Variants in NRG3 observed in about 807,000 individuals in gnomAD.
NRG3 encodes the protein neuregulin 3, also known as pro-neuregulin-3, membrane-bound isoform.
NRG3 carries 31 observed loss-of-function variants against 66.9 expected under a neutral mutation model. The ratio of observed to expected loss-of-function variants is 0.46; its 90% CI spans 0.35 to 0.63. The LOEUF (loss-of-function observed/expected upper bound fraction) is 0.63. Among genes scored for constraint, NRG3 ranks in the 20% least tolerant of loss-of-function variants. The pLI is 0.00. For synonymous variants in NRG3, 393 were observed against 359.4 expected (o/e 1.09, Z -1.06); for missense variants, 910 against 878.9 (o/e 1.04, Z -0.45).
intron 2 of NRG3, among the ~76,000 whole-genome samples, chr10:82,673,965 G>A (rs532277527): frequency 2.6e-5 from 4 of 152,174 alleles, no homozygotes; most frequent in South Asian, 4.2e-4. Flanking sequence ...AATAAAAGGC[G>A]GGTTTAGGAG....
intron 2 of NRG3, among the ~76,000 whole-genome samples, chr10:82,666,009 G>C (rs1473817994): frequency 6.6e-6 from 1 of 152,148 alleles, no homozygotes; most frequent in African/African-American, 2.4e-5. Context: ...TTACAGGCAT[G>C]TGCCACCATG....
chr10:82,049,886 C>T lies in NRG3; in HGVS notation c.823+173723C>T, dbSNP rs544575866. On this transcript the variant is annotated intron_variant, in intron 1 of 8. Transcript: ENST00000372141. ...CCATAAAATTAAAAATCTCAATAAT[C>T]ATAGCCCCTAGGAATCTAAGAATTG... is the stretch of plus-strand genomic sequence containing the variant. Among the ~76,000 whole-genome samples, 68 of 152,158 alleles carry T rather than the reference C, an allele frequency of 4.5e-4. No individual in the cohort carries two copies. The South Asian group carries it at 0.014, about 32-fold the overall frequency.
chr10:82,517,629 G>GCCC (rs570369748), intron 2 of NRG3, among the ~76,000 whole-genome samples: 1 of 70,432 alleles, frequency 1.4e-5, no homozygotes, highest in Admixed American at 1.5e-4. Context: ...CTCTCACCCC[G>GCCC]CCCCCCCGTG....
rs1264017157 is a variant in NRG3, at chr10:82,498,170, T to C, written c.953+139302T>C. Among the ~76,000 whole-genome samples the C allele has an allele frequency of 5.3e-5, 8 of 152,250 alleles. No homozygotes were observed. In the South Asian group the frequency reaches 1.5e-3, roughly 28 times the overall value. On this transcript the variant is annotated intron_variant, in intron 2 of 8. Coordinates refer to ENST00000372141, the MANE Select transcript of NRG3 (RefSeq NM_001010848.4). The stretch of plus-strand genomic sequence containing the variant: ...CTTCATCAGATATATGGTTTGCATA[T>C]ATATTCTCTTATTTTATAGCTTATC...
chr10:82,137,060 C>T (rs1389992250), intron 1 of NRG3, among the ~76,000 whole-genome samples: 1 of 152,120 alleles, frequency 6.6e-6, no homozygotes, highest in Non-Finnish European at 1.5e-5. Flanking sequence ...GAGGTGCTTT[C>T]TTGTGTGGAT....
At chr10:82,353,945 C>A (rs900284989) in intron 1 of NRG3, among the ~76,000 whole-genome samples, 1 of 151,702 alleles carries the variant, frequency 6.6e-6, no homozygotes, top group African/African-American at 2.4e-5. Flanking sequence ...TGTTTTGGAG[C>A]CCTTCTTATA....
chr10:82,489,317 TACCAGGGA>T (rs1384206209), intron 2 of NRG3, among the ~76,000 whole-genome samples: 1 of 152,198 alleles, frequency 6.6e-6, no homozygotes, highest in African/African-American at 2.4e-5. Flanking sequence ...TAAAAATCTA[TACCAGGGA>T]ACAGTTAGCA....
chr10:82,100,196 A>T (rs2066642251), intron 1 of NRG3, among the ~76,000 whole-genome samples: 1 of 152,058 alleles, frequency 6.6e-6, no homozygotes, highest in Admixed American at 6.6e-5. Flanking sequence ...CCAATATTTC[A>T]TTGAAAACAT....
At chr10:82,010,706 G>A (rs2061542245) in intron 1 of NRG3, among the ~76,000 whole-genome samples, 1 of 152,140 alleles carries the variant, frequency 6.6e-6, no homozygotes, top group Non-Finnish European at 1.5e-5. Context: ...AATTGGAGCG[G>A]GTGTTTTGAG....
At chr10:82,426,439 T>C (rs1248703885) in intron 2 of NRG3, among the ~76,000 whole-genome samples, 2 of 151,696 alleles carry the variant, frequency 1.3e-5, no homozygotes, top group Non-Finnish European at 2.9e-5. Flanking sequence ...GTATAATGGT[T>C]GTTTGCCCTG....
At chr10:81,985,987 C>T (rs1171961807) in intron 1 of NRG3, among the ~76,000 whole-genome samples, 1 of 152,182 alleles carries the variant, frequency 6.6e-6, no homozygotes, top group African/African-American at 2.4e-5. Flanking sequence ...AGAGGGAGTA[C>T]ACTGAAGATG....
intron 3 of NRG3, among the ~76,000 whole-genome samples, chr10:82,752,840 T>G (rs1198519671): frequency 6.6e-6 from 1 of 152,142 alleles, no homozygotes; most frequent in Non-Finnish European, 1.5e-5. Context: ...ATCTTGGACT[T>G]CCCAGCCTTT....
chr10:82,715,266 C>T (rs1037910436), intron 2 of NRG3, among the ~76,000 whole-genome samples: 1 of 152,138 alleles, frequency 6.6e-6, no homozygotes, highest in African/African-American at 2.4e-5. Flanking sequence ...GCTGTGATGG[C>T]ACACGCCTGT....
chr10:82,807,980 T>G (rs779757560), intron 3 of NRG3, among the ~76,000 whole-genome samples: 1 of 152,166 alleles, frequency 6.6e-6, no homozygotes, highest in Non-Finnish European at 1.5e-5. Flanking sequence ...ATTTCTTTCC[T>G]TCTTCATCTT....
chr10:82,131,501 G>A (rs1308208447), intron 1 of NRG3, among the ~76,000 whole-genome samples: 3 of 145,496 alleles, frequency 2.1e-5, no homozygotes, highest in Non-Finnish European at 4.5e-5. Context: ...TTTTGCCCAG[G>A]TTGGCTTTGG....
intron 4 of NRG3, among the ~76,000 whole-genome samples, chr10:82,905,146 T>C (rs766905413): frequency 1.3e-5 from 2 of 152,188 alleles, no homozygotes; most frequent in Non-Finnish European, 2.9e-5. Flanking sequence ...TATTTACCCA[T>C]GGTCTTTATA....
intron 3 of NRG3, among the ~76,000 whole-genome samples, chr10:82,745,112 C>A (rs182412389): frequency 6.6e-6 from 1 of 152,082 alleles, no homozygotes; most frequent in East Asian, 1.9e-4. Context: ...AATGGAGGGG[C>A]AATAAAAGTT....
At chr10:82,554,248 A>G (rs943631566) in intron 2 of NRG3, among the ~76,000 whole-genome samples, 8 of 152,114 alleles carry the variant, frequency 5.3e-5, no homozygotes, top group African/African-American at 1.7e-4. Flanking sequence ...ACAGTATTGT[A>G]TTTTATATTT....
intron 1 of NRG3, among the ~76,000 whole-genome samples, chr10:82,178,819 C>T (rs1331971232): frequency 6.6e-6 from 1 of 152,018 alleles, no homozygotes; most frequent in Non-Finnish European, 1.5e-5. Flanking sequence ...AGCATCTGCA[C>T]CATTTTAGGT....
Sources: gnomAD v4.1 joint callset for allele counts (sites outside exome capture counted in the v4.1 genomes callset) on GRCh38, gnomAD v4.1.1 for gene constraint, MANE v1.5 for transcripts, NCBI Gene and HGNC (gene_info 2026-07-23, HGNC 2026-07-21) for gene names.